Variants in MED30 observed in about 807,000 individuals in gnomAD.
MED30 encodes mediator of RNA polymerase II transcription subunit 30.
A neutral mutation model predicts 21.7 loss-of-function variants in MED30; 8 were observed. The ratio of observed to expected loss-of-function variants is 0.37; its 90% CI spans 0.22 to 0.67. MED30 has a LOEUF of 0.67. MED30 is among the 30% of genes least tolerant of loss of function. The probability of loss-of-function intolerance (pLI) is 0.58; values close to 1 mark genes in which losing one functional copy is unlikely to be tolerated. For synonymous variants in MED30, 79 were observed against 86.7 expected, an observed-to-expected ratio of 0.91 and a Z score of 0.49; for missense variants, 203 against 228.2, an observed-to-expected ratio of 0.89 and a Z score of 0.71.
chr8:117,525,852 A>G (rs1324416215), intron 1 of MED30, among the ~76,000 whole-genome samples: 2 of 151,944 alleles, frequency 1.3e-5, no homozygotes, highest in Non-Finnish European at 2.9e-5. Context: ...TGTTACACTT[A>G]TTTTTCAGAA....
chr8:117,527,840 G>C (rs1450123902), intron 1 of MED30, among the ~76,000 whole-genome samples: 1 of 151,586 alleles, frequency 6.6e-6, no homozygotes. Context: ...ATCAGATTGT[G>C]GGAATAAAAT....
At chr8:117,528,995 T>A in intron 2 of MED30, 186 bp downstream of exon 2, 1 of 370,644 alleles carries the variant, frequency 2.7e-6, no homozygotes, top group Non-Finnish European at 4.7e-6. Flanking sequence ...TATTTTTACA[T>A]TAACAATTTC....
chr8:117,523,209 A>ATTTTTTTTTTTTTTTTTTTT, intron 1 of MED30: 1 of 744,862 alleles, frequency 1.3e-6, no homozygotes. Context: ...TTTTTTTTTA[A>ATTTTTTTTTTTTTTTTTTTT]GTTTTTTTTT....
chr8:117,525,079 G>C (rs1340884835), intron 1 of MED30, among the ~76,000 whole-genome samples: 1 of 152,092 alleles, frequency 6.6e-6, no homozygotes, highest in African/African-American at 2.4e-5. Context: ...TGTCGGATAC[G>C]TTTTTAGAAA....
intron 3 of MED30, among the ~76,000 whole-genome samples, chr8:117,538,475 C>CT (rs1818919034): frequency 6.6e-6 from 1 of 152,092 alleles, no homozygotes; most frequent in South Asian, 2.1e-4. Context: ...ATACAAGCAA[C>CT]TTCATTTTAG....
At chr8:117,534,548 G>A (rs529092837) in intron 3 of MED30, among the ~76,000 whole-genome samples, 1 of 152,230 alleles carries the variant, frequency 6.6e-6, no homozygotes, top group African/African-American at 2.4e-5. Flanking sequence ...AAAGAGAAAA[G>A]AATCAGTTTA....
chr8:117,522,357 A>G (rs1170178527), intron 1 of MED30, among the ~76,000 whole-genome samples: 1 of 152,188 alleles, frequency 6.6e-6, no homozygotes, highest in Non-Finnish European at 1.5e-5. Context: ...GAGTTTTTAA[A>G]TATGTATACA....
At chr8:117,521,787 T>C (rs1818626978) in intron 1 of MED30, among the ~76,000 whole-genome samples, 1 of 152,210 alleles carries the variant, frequency 6.6e-6, no homozygotes, top group African/African-American at 2.4e-5. Flanking sequence ...ATTGTATCCA[T>C]GTATCACCAT....
chr8:117,523,600 G>A (rs1818668732), intron 1 of MED30: 3 of 1,601,474 alleles, frequency 1.9e-6, no homozygotes, highest in East Asian at 2.2e-5. Context: ...GTAGCCTCAG[G>A]ACTTGAGAAA....
chr8:117,532,825 TGAG>T (rs1391169118), intron 3 of MED30, among the ~76,000 whole-genome samples: 1 of 151,696 alleles, frequency 6.6e-6, no homozygotes, highest in Non-Finnish European at 1.5e-5. Context: ...TGGTAGAGGG[TGAG>T]GAGGAGAATG....
At chr8:117,521,143 T>A (rs7015216) in intron 1 of MED30, 90 bp downstream of exon 1, 716,786 of 1,298,620 alleles carry the variant, frequency 0.55, 200,972 homozygotes, top group Middle Eastern at 0.62. Context: ...GTGGATGTCA[T>A]CGGGGCTGCC....
intron 3 of MED30, among the ~76,000 whole-genome samples, chr8:117,536,696 A>G (rs1301846569): frequency 1.3e-5 from 2 of 152,224 alleles, no homozygotes; most frequent in African/African-American, 2.4e-5. Context: ...TTAATAGTCA[A>G]ATTCGTGGTT....
At chr8:117,521,522 A>G (rs1346494765) in intron 1 of MED30, among the ~76,000 whole-genome samples, 1 of 152,210 alleles carries the variant, frequency 6.6e-6, no homozygotes, top group Non-Finnish European at 1.5e-5. Context: ...TAGTCTGTAT[A>G]CTTGTGAAAT....
At chr8:117,527,630 TTC>T (rs1454263445) in intron 1 of MED30, among the ~76,000 whole-genome samples, 2 of 127,010 alleles carry the variant, frequency 1.6e-5, no homozygotes, top group Middle Eastern at 4.5e-3. Flanking sequence ...TTTTCTTTTT[TTC>T]TTTCTTTTTT....
intron 3 of MED30, 89 bp downstream of exon 3, chr8:117,530,916 T>C (rs1451393404): frequency 2.3e-6 from 2 of 883,456 alleles, no homozygotes; most frequent in African/African-American, 3.4e-5. Flanking sequence ...ATAATTTGAA[T>C]TATCAAATTA....
intron 3 of MED30, among the ~76,000 whole-genome samples, chr8:117,532,027 T>C (rs1288672356): frequency 6.6e-6 from 1 of 151,992 alleles, no homozygotes. Context: ...CTATTGACTC[T>C]TGTAACAATT....
chr8:117,525,592 AT>A (rs1818706901), intron 1 of MED30, among the ~76,000 whole-genome samples: 1 of 152,028 alleles, frequency 6.6e-6, no homozygotes, highest in Non-Finnish European at 1.5e-5. Flanking sequence ...GAATTCTATA[AT>A]TTTTAAAATT....
chr8:117,525,808 C>T (rs561836462), intron 1 of MED30, among the ~76,000 whole-genome samples: 13 of 152,134 alleles, frequency 8.5e-5, no homozygotes, highest in African/African-American at 2.4e-4. Context: ...TGTATTAATG[C>T]AAAACATTCT....
intron 3 of MED30, among the ~76,000 whole-genome samples, chr8:117,535,305 C>A (rs1476006643): frequency 2.1e-5 from 3 of 144,590 alleles, no homozygotes; most frequent in Non-Finnish European, 4.5e-5. Flanking sequence ...AGTGCAGTGG[C>A]ACGATCTCGG....
Sources: gnomAD v4.1 joint callset for allele counts (sites outside exome capture counted in the v4.1 genomes callset) on GRCh38, gnomAD v4.1.1 for gene constraint, MANE v1.5 for transcripts, NCBI Gene and HGNC (gene_info 2026-07-23, HGNC 2026-07-21) for gene names.